Variants in NID1 observed in about 807,000 individuals in gnomAD.
NID1 encodes nidogen-1.
A neutral mutation model predicts 130.6 loss-of-function variants in NID1; 76 were observed. The observed-to-expected ratio is 0.58, with a 90% CI of 0.48 to 0.70. The LOEUF (loss-of-function observed/expected upper bound fraction) is 0.70. Among genes scored for constraint, NID1 ranks in the 30% least tolerant of loss-of-function variants. NID1 has a pLI of 0.00. For missense variants in NID1, 1,517 were observed against 1,664.8 expected, an observed-to-expected ratio of 0.91 and a Z score of 1.54; for synonymous variants, 665 against 675.1, an observed-to-expected ratio of 0.98 and a Z score of 0.23.
At position 236,041,829 on chromosome 1, in the gene NID1, A is replaced by G. The variant is rs1259180812; in HGVS notation, c.1135+81T>C. ...TACAAACCACCATGTAATGCTCACA[A>G]CTGACATCTCCCCAGCAGTACGCCT... On this transcript the variant is annotated intron_variant, in intron 4 of 19. Transcript: ENST00000264187. 8.0e-6 allele frequency: 12 copies of G among 1,504,372 alleles called. No homozygotes were observed. The African/African-American group carries it at 1.7e-4, about 21-fold the overall frequency. 93.2% of individuals were successfully genotyped at this position (1,504,372 alleles called of 1,614,324 possible). A position where few individuals can be genotyped will look rare whatever the true frequency, so the allele number is the denominator to read the frequency against.
intron 6 of NID1, 71 bp from the exon 7 acceptor site, chr1:236,029,821 G>C: frequency 6.8e-7 from 1 of 1,472,484 alleles, no homozygotes; most frequent in Non-Finnish European, 9.4e-7. Flanking sequence ...CAGGCTCACA[G>C]TGTGGAGTGG....
At chr1:236,013,304 G>T (rs1213460236) in intron 11 of NID1, 107 bp downstream of exon 11, 3 of 1,239,906 alleles carry the variant, frequency 2.4e-6, no homozygotes, top group African/African-American at 3.0e-5. Flanking sequence ...GATGACAGAA[G>T]AATTCTTTCT....
At position 236,038,196 on chromosome 1, in the gene NID1, G is replaced by C; in HGVS notation, c.1193C>G (p.Ser398Trp). ...GTAGTCCCTGCACTCTGCGTGCACC[G>C]AGCACTGGTGTCTGTTGTTAGCACA... ...QTCANNRHQC[S>W]VHAECRDYAT... The change falls in exon 5 of 20, where the codon TCG (serine) becomes TGG (tryptophan). Residue 398 changes from serine to tryptophan, a missense_variant. This residue lies in a region of NID1 where 1,329 missense variants were observed against 1,429.2 expected (regional missense o/e 0.93). Transcript: ENST00000264187. The C allele has an allele frequency of 6.2e-7, 1 of 1,613,692 alleles. No individual in the cohort carries two copies. Among genetic ancestry groups the C allele is most frequent in the Non-Finnish European group, 8.5e-7 (1 of 1,179,672 alleles).
chr1:235,979,507 C>A lies in NID1; in HGVS notation c.3509+315G>T, dbSNP rs1657368264. ...GACATGGAGCCCACCGGCCACGTGA[C>A]CCTGGGCCAACTCCTGGGGAAAGAA... On this transcript the variant is annotated intron_variant, in intron 18 of 19. Coordinates refer to ENST00000264187, the MANE Select transcript of NID1 (RefSeq NM_002508.3). The surrounding 1 kb of genome is among the most constrained non-coding windows in gnomAD (Gnocchi z 4.6). Among the ~76,000 whole-genome samples, 1 of 152,182 alleles carries A rather than the reference C, an allele frequency of 6.6e-6. No homozygotes were observed. Among genetic ancestry groups the A allele is most frequent in the South Asian group, 2.1e-4 (1 of 4,834 alleles).
intron 12 of NID1, among the ~76,000 whole-genome samples, chr1:236,001,494 G>A (rs1658075900): frequency 6.6e-6 from 1 of 152,184 alleles, no homozygotes; most frequent in Non-Finnish European, 1.5e-5. Context: ...AAATTTCCAA[G>A]AAGGAGAATT....
rs1016119995 is a variant in NID1 at position 235,986,086 on chromosome 1, G to A, written c.2929-581C>T. On this transcript the variant is annotated intron_variant, in intron 14 of 19. Transcript: ENST00000264187. ...ATTATTTCTTCTCAGTATGTAGTTTGCTCTTTCATTTTCTTAATAGTGTTT... is the reference window on the plus strand; with the variant it reads ...ATTATTTCTTCTCAGTATGTAGTTTACTCTTTCATTTTCTTAATAGTGTTT... Among the ~76,000 whole-genome samples the A allele has an allele frequency of 3.3e-5, 5 of 152,112 alleles. No homozygotes were observed. The East Asian group carries it at 9.6e-4, about 29-fold the overall frequency.
At position 236,051,700 on chromosome 1, in the gene NID1, G is replaced by C. The variant is rs560395343; in HGVS notation, c.226-2711C>G. 2.0e-5 allele frequency among the ~76,000 whole-genome samples: 3 copies of C among 152,226 alleles called. 1 individual carries two copies. The highest frequency in any genetic ancestry group is 4.1e-4 in the South Asian group (2 of 4,832). On this transcript the variant is annotated intron_variant, in intron 1 of 19. Coordinates refer to ENST00000264187, the MANE Select transcript of NID1 (RefSeq NM_002508.3). ...AGCACAAGCATCCCAGGGAGCTGCCGTGTGGGAGCGTGGGAAACGGCTCAC... is the reference window on the plus strand; with the variant it reads ...AGCACAAGCATCCCAGGGAGCTGCCCTGTGGGAGCGTGGGAAACGGCTCAC...
intron 14 of NID1, among the ~76,000 whole-genome samples, chr1:235,987,289 A>G (rs1657601185): frequency 6.6e-6 from 1 of 152,232 alleles, no homozygotes; most frequent in South Asian, 2.1e-4. Flanking sequence ...TAACTTCTCT[A>G]AAGCAACCAC....
rs1402070658 is a variant in NID1, at chr1:236,020,746, G to A, written c.2128+3324C>T. Among the ~76,000 whole-genome samples the A allele has an allele frequency of 3.3e-5, 5 of 152,146 alleles. No individual in the cohort carries two copies. In the East Asian group the frequency reaches 7.7e-4, roughly 23 times the overall value. On this transcript the variant is annotated intron_variant, in intron 9 of 19. Coordinates refer to ENST00000264187, the MANE Select transcript of NID1 (RefSeq NM_002508.3). ...TTTCCTATTTTAAGCCTCATGTCTC[G>A]ATACATTAACACTTCAAGGCATGTT...
At chr1:236,036,663 T>C (rs1659271755) in intron 5 of NID1, among the ~76,000 whole-genome samples, 1 of 152,200 alleles carries the variant, frequency 6.6e-6, no homozygotes, top group Admixed American at 6.5e-5. Context: ...GATTGGGTCA[T>C]GAGGGCTCTG....
At position 235,976,966 on chromosome 1, in the gene NID1, A is replaced by C. The variant is rs1048253; in HGVS notation, c.*901T>G. ...CCGTGAAAAGGAGGGACATCAGTGC[A>C]AGCAGTGGGGCTAAAGACCAGCACA... is the stretch of plus-strand genomic sequence containing the variant. On this transcript the variant is annotated 3_prime_UTR_variant, in exon 20 of 20. Coordinates refer to ENST00000264187, the MANE Select transcript of NID1 (RefSeq NM_002508.3). 0.29 allele frequency: 44,041 copies of C among 151,988 alleles called. 8,297 individuals carry two copies. Among genetic ancestry groups the C allele is most frequent in the East Asian group, 0.62 (3,201 of 5,152 alleles). 9.4% of individuals were successfully genotyped at this position (151,988 alleles called of 1,614,324 possible).
rs1485074365 is a variant in NID1, at chr1:235,976,893, G to A, written c.*974C>T. 1 of 152,196 alleles carries A rather than the reference G, an allele frequency of 6.6e-6. No individual in the cohort carries two copies. The highest frequency in any genetic ancestry group is 1.5e-5 in the Non-Finnish European group (1 of 68,070). The allele number at this position is 152,196 out of a possible 1,614,324, so 9.4% of individuals were successfully genotyped here. On this transcript the variant is annotated 3_prime_UTR_variant, in exon 20 of 20. Transcript: ENST00000264187. ...TGGAGGCCGGAGGTGAGGGACTGTG[G>A]TGGGACATCATCTGGTGCCAGCCCC...
In NID1 at chr1:235,997,961, C is replaced by G. The variant is rs561981463; in HGVS notation, c.2528-4089G>C. Among the ~76,000 whole-genome samples, 436 of 152,264 alleles carry G rather than the reference C, an allele frequency of 2.9e-3. 2 individuals carry two copies. Among genetic ancestry groups the G allele is most frequent in the Non-Finnish European group, 3.9e-3 (265 of 68,026 alleles). On this transcript the variant is annotated intron_variant, in intron 12 of 19. Transcript: ENST00000264187. ...GTACATGTCAATGATACAGATTAAG[C>G]TGTGCCTCCTGCAGCAGTGGAACAG...
chr1:236,001,360 C>T (rs1658071922), intron 12 of NID1, among the ~76,000 whole-genome samples: 3 of 152,286 alleles, frequency 2.0e-5, no homozygotes, highest in South Asian at 4.1e-4. Context: ...CCGCCTCGGC[C>T]TCCCAAAGTG....
chr1:235,984,876 T>C (rs964151964), intron 15 of NID1, among the ~76,000 whole-genome samples: 13 of 152,098 alleles, frequency 8.5e-5, no homozygotes, highest in Non-Finnish European at 1.3e-4. Context: ...AATTGAGGAA[T>C]TGAGGTTGAA....
Position 236,041,918 on chromosome 1 carries a change from G to C in NID1, c.1127C>G (p.Thr376Arg). Residue 376 changes from threonine to arginine, a missense_variant, in exon 4 of 20, where the codon ACA (threonine) becomes AGA (arginine). Coordinates refer to ENST00000264187, the MANE Select transcript of NID1 (RefSeq NM_002508.3). Reference protein sequence around the residue: ...QVIDVDEVEETGVVFSYNTDS... With the variant: ...QVIDVDEVEERGVVFSYNTDS... The stretch of plus-strand genomic sequence containing the variant: ...AACTTAAATGGTCTTACCAACTCCT[G>C]TTTCCTCAACTTCATCCACATCTAT... 1 of 1,605,428 alleles carries C rather than the reference G, an allele frequency of 6.2e-7. No homozygotes were observed. Among genetic ancestry groups the C allele is most frequent in the Non-Finnish European group, 8.5e-7 (1 of 1,174,646 alleles).
At chr1:236,032,300 TA>T in intron 6 of NID1, 100 bp downstream of exon 6, 1 of 1,442,978 alleles carries the variant, frequency 6.9e-7, no homozygotes, top group East Asian at 2.3e-5. Flanking sequence ...AACATGCTTC[TA>T]AGTTGTCTGC....
chr1:236,009,256 A>G (rs967817013), intron 12 of NID1, among the ~76,000 whole-genome samples: 6 of 152,184 alleles, frequency 3.9e-5, no homozygotes, highest in Non-Finnish European at 5.9e-5. Flanking sequence ...CCTTTCTACC[A>G]TATAAGGACT....
rs540687357 is a variant in NID1, at chr1:236,052,850, T to C, written c.226-3861A>G. ...TGCCTGGCACACTGAGCTGCTGGGA[T>C]GGGCTCTGGCCACCCTCCTCTCTGA... On this transcript the variant is annotated intron_variant, in intron 1 of 19. Transcript: ENST00000264187. 1.9e-3 allele frequency among the ~76,000 whole-genome samples: 295 copies of C among 152,332 alleles called. 1 individual carries two copies. Among genetic ancestry groups the C allele is most frequent in the African/African-American group, 6.2e-3 (259 of 41,568 alleles).
Sources: allele counts gnomAD v4.1 joint callset (sites outside exome capture counted in the v4.1 genomes callset), GRCh38; gene constraint gnomAD v4.1.1; regional missense constraint gnomAD v4.1.1; non-coding constraint Gnocchi (gnomAD v3.1); transcripts MANE v1.5; gene names NCBI Gene and HGNC (gene_info 2026-07-23, HGNC 2026-07-21).